Variants in ZNF536 observed in about 807,000 individuals in gnomAD.
ZNF536 encodes the protein zinc finger protein 536.
ZNF536 carries 13 observed loss-of-function variants against 84.5 expected under a neutral mutation model. The observed-to-expected ratio is 0.15, with a 90% CI of 0.10 to 0.24. ZNF536 has a LOEUF of 0.24. Ranked by LOEUF, ZNF536 falls within the 10% of genes least tolerant of loss-of-function variation. ZNF536 has a pLI of 1.00. For missense variants in ZNF536, 1,536 were observed against 1,747.5 expected (o/e 0.88, Z 2.16); for synonymous variants, 811 against 742.5 (o/e 1.09, Z -1.50).
chr19:30,443,626 A>T lies in ZNF536; in HGVS notation c.64A>T (p.Ser22Cys), dbSNP rs1474793853. The T allele has an allele frequency of 1.9e-6, 3 of 1,607,264 alleles. No individual in the cohort carries two copies. The South Asian group carries it at 3.3e-5, about 18-fold the overall frequency. Reference sequence around the variant, plus strand: ...GGAGCCGGAAGCTGAGCCCCACCTGAGTGGCCCCGTCCTCAACGGCCAGTA... The same window carrying T: ...GGAGCCGGAAGCTGAGCCCCACCTGTGTGGCCCCGTCCTCAACGGCCAGTA... ...SAEPEAEPHL[S>C]GPVLNGQYAM... Residue 22 changes from serine (S) to cysteine (C), a missense_variant, in exon 2 of 5, where the codon AGT (serine) becomes TGT (cysteine). By Grantham distance (112) the Ser-to-Cys change is moderately radical. Coordinates refer to ENST00000355537, the MANE Select transcript of ZNF536 (RefSeq NM_014717.3).
chr19:30,418,711 G>A (rs747369832), intron 1 of ZNF536, among the ~76,000 whole-genome samples: 3 of 152,084 alleles, frequency 2.0e-5, no homozygotes, highest in African/African-American at 4.8e-5. Context: ...GTCTCAAGAG[G>A]TACCCATTTC....
Position 30,557,251 on chromosome 19 carries a change from A to C in ZNF536, c.*87A>C. On this transcript the variant is annotated 3_prime_UTR_variant, in exon 5 of 5. Transcript: ENST00000355537. Reference sequence around the variant, plus strand: ...TATCTGCAGCTTGTTAATCGTGTAAAGTCAAGAGAAGAATGTATACACATA... The same window carrying C: ...TATCTGCAGCTTGTTAATCGTGTAACGTCAAGAGAAGAATGTATACACATA... 6.8e-7 allele frequency: 1 copy of C among 1,460,796 alleles called. No individual in the cohort carries two copies. The highest frequency in any genetic ancestry group is 2.3e-5 in the East Asian group (1 of 44,090). 90.5% of individuals were successfully genotyped at this position (1,460,796 alleles called of 1,614,324 possible). A position where few individuals can be genotyped will look rare whatever the true frequency, so the allele number is the denominator to read the frequency against.
chr19:30,295,629 G>A (rs2045972466), intron 2 of ZNF536, among the ~76,000 whole-genome samples: 1 of 152,198 alleles, frequency 6.6e-6, no homozygotes, highest in South Asian at 2.1e-4. Flanking sequence ...AACCTCCAGG[G>A]AGTGGGAGCT....
intron 1 of ZNF536, among the ~76,000 whole-genome samples, chr19:30,389,545 TC>T (rs1351972421): frequency 6.6e-6 from 1 of 152,172 alleles, no homozygotes; most frequent in Non-Finnish European, 1.5e-5. Context: ...TAATGATTTG[TC>T]CCCAGGGGCT....
intron 1 of ZNF536, among the ~76,000 whole-genome samples, chr19:30,567,319 G>C (rs1028982942): frequency 2.6e-5 from 4 of 152,156 alleles, no homozygotes; most frequent in African/African-American, 9.7e-5. Context: ...GCACTGGGTA[G>C]GGACCAGGTG....
At chr19:30,463,726 C>T (rs1453130507) in intron 2 of ZNF536, among the ~76,000 whole-genome samples, 1 of 152,174 alleles carries the variant, frequency 6.6e-6, no homozygotes, top group Admixed American at 6.5e-5. Context: ...CTGTAAGAAC[C>T]TAAATTTACA....
chr19:30,576,307 C>T (rs1162445458), intron 1 of ZNF536, among the ~76,000 whole-genome samples: 2 of 152,124 alleles, frequency 1.3e-5, no homozygotes, highest in Non-Finnish European at 2.9e-5. Flanking sequence ...AGTGACGATG[C>T]AGATAGGACA....
chr19:30,492,820 GTTTTGCTTCTGACTAGCCAGCCCTAT>G (rs1487071955), intron 2 of ZNF536, among the ~76,000 whole-genome samples: 2 of 152,294 alleles, frequency 1.3e-5, no homozygotes, highest in Admixed American at 1.3e-4. Flanking sequence ...TAACTAGCCA[GTTTTGCTTCTGACTAGCCAGCCCTAT>G]CAGGACCAGG....
intron 2 of ZNF536, among the ~76,000 whole-genome samples, chr19:30,446,921 G>A (rs1447764818): frequency 6.6e-6 from 1 of 152,094 alleles, no homozygotes; most frequent in South Asian, 2.1e-4. Flanking sequence ...TATTTCCAAA[G>A]CCCCTTACTA....
intron 1 of ZNF536, among the ~76,000 whole-genome samples, chr19:30,678,309 T>G (rs1424296903): frequency 6.6e-6 from 1 of 152,060 alleles, no homozygotes; most frequent in Non-Finnish European, 1.5e-5. Context: ...TTGCTCAGGG[T>G]CCTCAGCAGG....
chr19:30,601,596 T>C (rs985849615), intron 1 of ZNF536, among the ~76,000 whole-genome samples: 2 of 152,188 alleles, frequency 1.3e-5, no homozygotes, highest in Non-Finnish European at 2.9e-5. Flanking sequence ...GCTCCTCAGA[T>C]GGGCCCCTGA....
At chr19:30,312,625 A>T (rs1355343114) in intron 2 of ZNF536, among the ~76,000 whole-genome samples, 1 of 152,232 alleles carries the variant, frequency 6.6e-6, no homozygotes, top group Admixed American at 6.5e-5. Context: ...AGATTCCCAC[A>T]GTCACCTGCA....
intron 1 of ZNF536, among the ~76,000 whole-genome samples, chr19:30,255,562 T>C (rs1009804845): frequency 6.6e-5 from 10 of 152,168 alleles, no homozygotes; most frequent in African/African-American, 2.4e-4. Flanking sequence ...ATTACAGTAA[T>C]TAATTTAGTG....
intron 1 of ZNF536, among the ~76,000 whole-genome samples, chr19:30,658,018 T>TC (rs10607359): frequency 3.6e-4 from 54 of 147,962 alleles, no homozygotes; most frequent in South Asian, 6.6e-4. Context: ...GGCTTTCCAT[T>TC]CCCCCCCCCC....
chr19:30,677,281 C>T (rs1050861443), intron 1 of ZNF536, among the ~76,000 whole-genome samples: 7 of 152,226 alleles, frequency 4.6e-5, no homozygotes, highest in African/African-American at 1.7e-4. Flanking sequence ...CTCAGGATTA[C>T]CTGCTTCTCG....
At chr19:30,248,193 TTTTC>T (rs971500941) in intron 1 of ZNF536, among the ~76,000 whole-genome samples, 5 of 151,926 alleles carry the variant, frequency 3.3e-5, no homozygotes, top group Middle Eastern at 3.4e-3. Context: ...GAAGATTTCT[TTTTC>T]TTTCTTTCTT....
intron 1 of ZNF536, among the ~76,000 whole-genome samples, chr19:30,375,337 G>A (rs1042377401): frequency 6.6e-6 from 1 of 151,872 alleles, no homozygotes; most frequent in Non-Finnish European, 1.5e-5. Context: ...ATCAATTAGA[G>A]GCGCCGTCAC....
intron 1 of ZNF536, among the ~76,000 whole-genome samples, chr19:30,376,024 A>T (rs1235986573): frequency 6.6e-6 from 1 of 152,048 alleles, no homozygotes; most frequent in Non-Finnish European, 1.5e-5. Flanking sequence ...GAGTGTGTGA[A>T]TGAGTGTGCG....
chr19:30,373,526 T>G (rs1267250099), intron 1 of ZNF536, among the ~76,000 whole-genome samples: 3 of 152,188 alleles, frequency 2.0e-5, no homozygotes, highest in Non-Finnish European at 4.4e-5. Flanking sequence ...TCTTTTAGAA[T>G]GTGTCTTCCT....
Sources: gnomAD v4.1 joint callset for allele counts (sites outside exome capture counted in the v4.1 genomes callset) on GRCh38, gnomAD v4.1.1 for gene constraint, MANE v1.5 for transcripts, NCBI Gene and HGNC (gene_info 2026-07-23, HGNC 2026-07-21) for gene names.